Variants in ADARB2 observed in about 807,000 individuals in gnomAD.
ADARB2 encodes adenosine deaminase RNA specific B2 (inactive), also known as inactive double-stranded RNA-specific editase B2.
ADARB2 carries 25 observed loss-of-function variants against 62.2 expected under a neutral mutation model. That is an observed-to-expected ratio of 0.40 (90% CI 0.29 to 0.56). ADARB2 has a LOEUF of 0.56. Ranked by LOEUF, ADARB2 falls within the 20% of genes least tolerant of loss-of-function variation. ADARB2 has a pLI of 0.43. For missense variants in ADARB2, 1,071 were observed against 1,077.4 expected, an observed-to-expected ratio of 0.99 and a Z score of 0.08; for synonymous variants, 572 against 500.8, an observed-to-expected ratio of 1.14 and a Z score of -1.90.
At chr10:1,647,764 T>C (rs1834063235) in intron 1 of ADARB2, among the ~76,000 whole-genome samples, 1 of 151,720 alleles carries the variant, frequency 6.6e-6, no homozygotes, top group South Asian at 2.1e-4. Context: ...ATATGTTGTG[T>C]ATGTGTGGTG....
chr10:1,584,035 C>T (rs1299130984), intron 1 of ADARB2, among the ~76,000 whole-genome samples: 1 of 152,094 alleles, frequency 6.6e-6, no homozygotes, highest in Non-Finnish European at 1.5e-5. Flanking sequence ...CTATAAAACT[C>T]CTACAAGATG....
chr10:1,197,456 A>G (rs1287773202), intron 8 of ADARB2, among the ~76,000 whole-genome samples: 1 of 152,242 alleles, frequency 6.6e-6, no homozygotes, highest in Non-Finnish European at 1.5e-5. Flanking sequence ...TTGCTGTGAA[A>G]CATGGATGCC....
intron 1 of ADARB2, among the ~76,000 whole-genome samples, chr10:1,506,580 A>G (rs974368964): frequency 6.6e-6 from 1 of 152,246 alleles, no homozygotes; most frequent in African/African-American, 2.4e-5. Context: ...ACTGAGGACC[A>G]TGTGGGCTCC....
intron 3 of ADARB2, chr10:1,361,316 A>T (rs971897194): frequency 2.0e-5 from 3 of 152,162 alleles, no homozygotes; most frequent in African/African-American, 7.2e-5. Flanking sequence ...AATAAGAAGG[A>T]GGTGTAAGAA....
intron 6 of ADARB2, among the ~76,000 whole-genome samples, chr10:1,231,547 G>T (rs1035212995): frequency 3.9e-5 from 6 of 152,128 alleles, no homozygotes; most frequent in Non-Finnish European, 8.8e-5. Flanking sequence ...TCCCTCTGGG[G>T]AGGGCTGTGT....
At chr10:1,496,427 TTTAGTATCAACATTATCA>T (rs1296727972) in intron 1 of ADARB2, among the ~76,000 whole-genome samples, 5 of 151,360 alleles carry the variant, frequency 3.3e-5, no homozygotes, top group Non-Finnish European at 5.9e-5. Flanking sequence ...TTCATCATCA[TTTAGTATCAACATTATCA>T]TTAGTATCAA....
intron 1 of ADARB2, among the ~76,000 whole-genome samples, chr10:1,456,642 G>A (rs1411421197): frequency 2.0e-5 from 3 of 152,178 alleles, no homozygotes; most frequent in African/African-American, 7.2e-5. Flanking sequence ...AATCATCAAG[G>A]TGTGCTCGAG....
intron 3 of ADARB2, among the ~76,000 whole-genome samples, chr10:1,271,418 T>C (rs1831261662): frequency 3.3e-5 from 5 of 152,110 alleles, no homozygotes; most frequent in South Asian, 4.1e-4. Flanking sequence ...GGAATTTTTA[T>C]AGGGATGATG....
intron 1 of ADARB2, among the ~76,000 whole-genome samples, chr10:1,451,721 C>A (rs897614409): frequency 6.8e-6 from 1 of 147,430 alleles, no homozygotes; most frequent in Non-Finnish European, 1.5e-5. Flanking sequence ...AGGAGGGACA[C>A]ACCCATATGA....
chr10:1,297,298 A>G (rs1171315813), intron 3 of ADARB2, among the ~76,000 whole-genome samples: 4 of 152,156 alleles, frequency 2.6e-5, no homozygotes, highest in Admixed American at 6.5e-5. Context: ...GTGGTTATGG[A>G]CCCGCAGGTG....
chr10:1,332,409 T>A (rs1319832738), intron 3 of ADARB2, among the ~76,000 whole-genome samples: 1 of 146,154 alleles, frequency 6.8e-6, no homozygotes, highest in East Asian at 2.0e-4. Context: ...GAGTGAGACC[T>A]TGTCTCAGAA....
chr10:1,368,542 G>A (rs1011359483), intron 2 of ADARB2, among the ~76,000 whole-genome samples: 3 of 152,138 alleles, frequency 2.0e-5, no homozygotes, highest in African/African-American at 7.2e-5. Flanking sequence ...TCTGCGAGTC[G>A]CGAGCTGTGG....
chr10:1,656,998 G>A (rs557950986), intron 1 of ADARB2, among the ~76,000 whole-genome samples: 155 of 58,280 alleles, frequency 2.7e-3, no homozygotes, highest in African/African-American at 7.3e-3. Context: ...CCCATCTAGT[G>A]TTTTGTGTGT....
chr10:1,646,085 G>C (rs73579890), intron 1 of ADARB2, among the ~76,000 whole-genome samples: 115 of 152,302 alleles, frequency 7.6e-4, no homozygotes, highest in African/African-American at 2.6e-3. Context: ...AAGGCTCCCA[G>C]AGGGAAGATC....
Position 1,345,095 on chromosome 10 carries a change from G to A in ADARB2, c.1077+17933C>T, listed in dbSNP as rs573020461. On this transcript the variant is annotated intron_variant, in intron 3 of 9. Transcript: ENST00000381312. ...ACGTGGAGGGAACCGCCGCAGCCTC[G>A]GGTGTGAGCCAGGAGGGCACGTGGA... 3.3e-5 allele frequency among the ~76,000 whole-genome samples: 5 copies of A among 152,034 alleles called. No individual in the cohort carries two copies. The East Asian group carries it at 7.8e-4, about 24-fold the overall frequency.
At chr10:1,730,939 T>A (rs777341610) in intron 1 of ADARB2, among the ~76,000 whole-genome samples, 41 of 152,268 alleles carry the variant, frequency 2.7e-4, no homozygotes, top group Non-Finnish European at 4.1e-4. Context: ...AATAATACAA[T>A]GTAATTATTT....
At chr10:1,196,063 C>T (rs1836906927) in intron 8 of ADARB2, among the ~76,000 whole-genome samples, 1 of 152,152 alleles carries the variant, frequency 6.6e-6, no homozygotes, top group African/African-American at 2.4e-5. Context: ...CCAACCCTGC[C>T]TGTTTCCCAA....
intron 1 of ADARB2, among the ~76,000 whole-genome samples, chr10:1,501,278 T>C (rs1277981433): frequency 6.6e-6 from 1 of 152,132 alleles, no homozygotes; most frequent in African/African-American, 2.4e-5. Context: ...GGGAAACAGT[T>C]TTGAGTCTCC....
chr10:1,232,944 G>A (rs1322718714), intron 6 of ADARB2, among the ~76,000 whole-genome samples: 6 of 151,946 alleles, frequency 3.9e-5, no homozygotes, highest in Non-Finnish European at 7.4e-5. Flanking sequence ...TGGTGTATGT[G>A]GTATATACAT....
Sources: gnomAD v4.1 joint callset for allele counts (sites outside exome capture counted in the v4.1 genomes callset) on GRCh38, gnomAD v4.1.1 for gene constraint, MANE v1.5 for transcripts, NCBI Gene and HGNC (gene_info 2026-07-23, HGNC 2026-07-21) for gene names.